Variants in SPAG9 observed in about 807,000 individuals in gnomAD.
The protein encoded by SPAG9 is C-Jun-amino-terminal kinase-interacting protein 4.
In SPAG9, 35 loss-of-function variants were observed where a neutral mutation model predicts 166.5. The observed-to-expected ratio is 0.21, with a 90% CI of 0.16 to 0.28. The LOEUF (loss-of-function observed/expected upper bound fraction) is 0.28. Among genes scored for constraint, SPAG9 ranks in the 10% least tolerant of loss-of-function variants. SPAG9 has a pLI of 1.00. For synonymous variants in SPAG9, 534 were observed against 565.5 expected (o/e 0.94, Z 0.79); for missense variants, 1,235 against 1,603.3 (o/e 0.77, Z 3.92).
intron 2 of SPAG9, among the ~76,000 whole-genome samples, chr17:51,072,806 TA>T (rs1215317127): frequency 6.6e-6 from 1 of 152,188 alleles, no homozygotes; most frequent in African/African-American, 2.4e-5. Context: ...TTTCATCTTT[TA>T]AAAAGCACTC....
chr17:50,997,931 AT>A lies in SPAG9; in HGVS notation c.1838+512del, dbSNP rs1271744235. Among the ~76,000 whole-genome samples the A allele has an allele frequency of 1.8e-4, 27 of 152,232 alleles. 1 individual carries two copies. Among genetic ancestry groups the A allele is most frequent in the African/African-American group, 4.6e-4 (19 of 41,528 alleles). On this transcript the variant is annotated intron_variant, in intron 15 of 29. Transcript: ENST00000262013. Reference sequence around the variant, plus strand: ...GCAAAAATGAGGCATTTAAAAAAAAATCCTTCTCTTTTATAAAAACTGAAAA... The same window carrying A: ...GCAAAAATGAGGCATTTAAAAAAAAACCTTCTCTTTTATAAAAACTGAAAA...
chr17:50,978,342 T>C (rs1331987276), intron 26 of SPAG9, among the ~76,000 whole-genome samples: 1 of 152,188 alleles, frequency 6.6e-6, no homozygotes, highest in Admixed American at 6.5e-5. Flanking sequence ...GTATATATTC[T>C]AGGGAGAAGG....
chr17:51,103,313 C>T (rs1368545068), intron 1 of SPAG9, among the ~76,000 whole-genome samples: 2 of 152,088 alleles, frequency 1.3e-5, no homozygotes, highest in African/African-American at 2.4e-5. Flanking sequence ...TTTGACACAG[C>T]GCTGAAAGTG....
In SPAG9 at chr17:50,979,869, C is replaced by T. The variant is rs765690078; in HGVS notation, c.3286G>A (p.Ala1096Thr). The change falls in exon 26 of 30, where the codon GCG becomes ACG. Residue 1096 changes from alanine (A) to threonine (T), a missense_variant. Coordinates refer to ENST00000262013, the MANE Select transcript of SPAG9 (RefSeq NM_001130528.3). ...ACCCACACGCCATCCCCCACCCACG[C>T]AAGCTGTCGCACTTGGCTCTCCTTC... ...PRKESQVRQL[A>T]WVGDGVWVSI... The T allele has an allele frequency of 1.1e-5, 18 of 1,614,192 alleles. No individual in the cohort carries two copies. Among genetic ancestry groups the T allele is most frequent in the Admixed American group, 1.7e-5 (1 of 60,028 alleles).
chr17:51,028,386 T>C lies in SPAG9; in HGVS notation c.783+3295A>G, dbSNP rs563771027. On this transcript the variant is annotated intron_variant, in intron 6 of 29. Coordinates refer to ENST00000262013, the MANE Select transcript of SPAG9 (RefSeq NM_001130528.3). ...TCACTCACTGACTCACCAAGAGCAT[T>C]TGCAGTCCTGCAAACTCCATCCATG... 8.5e-5 allele frequency among the ~76,000 whole-genome samples: 13 copies of C among 152,332 alleles called. No homozygotes were observed. The East Asian group carries it at 1.7e-3, about 20-fold the overall frequency.
chr17:51,077,804 T>C (rs1451085844), intron 2 of SPAG9, among the ~76,000 whole-genome samples: 2 of 151,912 alleles, frequency 1.3e-5, no homozygotes, highest in Non-Finnish European at 2.9e-5. Context: ...GTGCGCACCA[T>C]CATACCCAGC....
In SPAG9 at chr17:50,963,541, T is replaced by C. The variant is rs1399616835; in HGVS notation, c.*2731A>G. The C allele has an allele frequency of 6.6e-6, 1 of 152,240 alleles. No individual in the cohort carries two copies. Among genetic ancestry groups the C allele is most frequent in the Admixed American group, 6.5e-5 (1 of 15,284 alleles). 9.4% of individuals were successfully genotyped at this position (152,240 alleles called of 1,614,324 possible). On this transcript the variant is annotated 3_prime_UTR_variant, in exon 30 of 30. Coordinates refer to ENST00000262013, the MANE Select transcript of SPAG9 (RefSeq NM_001130528.3). ...AGGGCCACAGATAATCTGACATCTT[T>C]AGATAAAACAACTACACACCTATAT...
intron 9 of SPAG9, among the ~76,000 whole-genome samples, chr17:51,010,303 A>C (rs2144059355): frequency 6.6e-6 from 1 of 152,298 alleles, no homozygotes; most frequent in Non-Finnish European, 1.5e-5. Flanking sequence ...GAGGTGAAAC[A>C]AAACTGTCAG....
intron 9 of SPAG9, among the ~76,000 whole-genome samples, chr17:51,013,049 G>A (rs1334881002): frequency 6.6e-6 from 1 of 152,096 alleles, no homozygotes; most frequent in African/African-American, 2.4e-5. Context: ...CATTTAGATA[G>A]AACTTGTGTT....
At chr17:51,000,809 T>C (rs1358098444) in intron 13 of SPAG9, among the ~76,000 whole-genome samples, 1 of 152,130 alleles carries the variant, frequency 6.6e-6, no homozygotes, top group East Asian at 1.9e-4. Flanking sequence ...CTTTCAGTTT[T>C]TTGAATATTT....
intron 9 of SPAG9, among the ~76,000 whole-genome samples, chr17:51,008,256 A>G (rs1174702189): frequency 6.6e-6 from 1 of 152,162 alleles, no homozygotes; most frequent in East Asian, 1.9e-4. Context: ...AGAGCATCCA[A>G]TGCAAGATCC....
In SPAG9 at chr17:51,011,505, C is replaced by T. The variant is rs2045483268; in HGVS notation, c.1213+2727G>A. 1.3e-5 allele frequency among the ~76,000 whole-genome samples: 2 copies of T among 151,976 alleles called. 1 individual carries two copies. The highest frequency in any genetic ancestry group is 4.2e-4 in the South Asian group (2 of 4,812). On this transcript the variant is annotated intron_variant, in intron 9 of 29. Coordinates refer to ENST00000262013, the MANE Select transcript of SPAG9 (RefSeq NM_001130528.3). ...TCAAGCAATTCTCCTGCCTCAGCCT[C>T]CCAAGTAGCTGGGATTACAGGTGCA...
Position 51,056,438 on chromosome 17 carries a change from T to G in SPAG9, c.469A>C (p.Asn157His). 2 of 1,609,014 alleles carry G rather than the reference T, an allele frequency of 1.2e-6. No individual in the cohort carries two copies. Among genetic ancestry groups the G allele is most frequent in the East Asian group, 4.5e-5 (2 of 44,750 alleles). The stretch of plus-strand genomic sequence containing the variant: ...TCAGTGTGTCTTTGATGTAATGCAT[T>G]ATATTCCTTCTTCAGTTCTGCTTCT... ...EREAELKKEY[N>H]ALHQRHTEMI... is the part of the protein sequence containing the mutation. Residue 157 changes from asparagine (N) to histidine (H), a missense_variant, in exon 3 of 30, where the codon AAT becomes CAT. Asn to His is a moderately conservative substitution (Grantham distance 68). This residue lies in a region of SPAG9 where 288 missense variants were observed against 323.7 expected (regional missense o/e 0.89). Coordinates refer to ENST00000262013, the MANE Select transcript of SPAG9 (RefSeq NM_001130528.3).
At chr17:50,995,738 T>A (rs2044651495) in intron 16 of SPAG9, 1 of 522,330 alleles carries the variant, frequency 1.9e-6, no homozygotes, top group Non-Finnish European at 3.4e-6. Flanking sequence ...CATGGCTCAC[T>A]GCAGCCTCAA....
intron 2 of SPAG9, among the ~76,000 whole-genome samples, chr17:51,076,982 T>TTATCTAGCTATCTAGCTAGCTAGCTATC (rs2047988610): frequency 2.0e-5 from 2 of 99,414 alleles, no homozygotes; most frequent in Non-Finnish European, 4.4e-5. Context: ...TCTATCTATC[T>TTATCTAGCTATCTAGCTAGCTAGCTATC]TATCTAGCTA....
intron 1 of SPAG9, among the ~76,000 whole-genome samples, chr17:51,119,033 C>CAAAAAAAA (rs3079111): frequency 3.1e-5 from 3 of 96,258 alleles, no homozygotes; most frequent in Non-Finnish European, 4.1e-5. Flanking sequence ...GACTACGTCT[C>CAAAAAAAA]AAAAAAAAAA....
chr17:51,031,397 C>T (rs2046378869), intron 6 of SPAG9: 1 of 439,882 alleles, frequency 2.3e-6, no homozygotes, highest in East Asian at 4.5e-5. Context: ...TATACCATTA[C>T]ATAGAGCTGG....
chr17:50,988,697 G>A (rs1196748873), intron 21 of SPAG9, among the ~76,000 whole-genome samples: 1 of 152,090 alleles, frequency 6.6e-6, no homozygotes, highest in African/African-American at 2.4e-5. Flanking sequence ...GGGACCATAG[G>A]TGCACGCTAC....
chr17:50,972,640 G>A (rs1156573453), intron 28 of SPAG9, among the ~76,000 whole-genome samples: 3 of 152,176 alleles, frequency 2.0e-5, no homozygotes, highest in Admixed American at 6.5e-5. Context: ...CACAGACTGC[G>A]CCTCCAGGAG....
Sources: gnomAD v4.1 joint callset for allele counts (sites outside exome capture counted in the v4.1 genomes callset) on GRCh38, gnomAD v4.1.1 for gene constraint, gnomAD v4.1.1 regional missense constraint, MANE v1.5 for transcripts, NCBI Gene and HGNC (gene_info 2026-07-23, HGNC 2026-07-21) for gene names.